The following PRKCH variants were observed in gnomAD, a reference collection of about 807,000 sequenced individuals.
The protein encoded by PRKCH is protein kinase C eta type.
A neutral mutation model predicts 82.5 loss-of-function variants in PRKCH; 28 were observed. The ratio of observed to expected loss-of-function variants is 0.34; its 90% CI spans 0.25 to 0.47. The LOEUF (loss-of-function observed/expected upper bound fraction) is 0.47. Among genes scored for constraint, PRKCH ranks in the 20% least tolerant of loss-of-function variants. PRKCH has a pLI of 1.00. For missense variants in PRKCH, 705 were observed against 881.8 expected, an observed-to-expected ratio of 0.80 and a Z score of 2.54; for synonymous variants, 322 against 327.4, an observed-to-expected ratio of 0.98 and a Z score of 0.18.
At chr14:61,189,965 CTT>C (rs2044397207) in intron 1 of PRKCH, among the ~76,000 whole-genome samples, 1 of 152,064 alleles carries the variant, frequency 6.6e-6, no homozygotes, top group African/African-American at 2.4e-5. Context: ...TTCTCTCTCT[CTT>C]TTTCTTTCTG....
intron 1 of PRKCH, among the ~76,000 whole-genome samples, chr14:61,364,028 A>G (rs902677563): frequency 1.0e-3 from 153 of 146,712 alleles, no homozygotes; most frequent in Non-Finnish European, 1.6e-3. Flanking sequence ...ATATATTTGT[A>G]TATATATAAT....
chr14:61,485,853 C>T (rs571568413), intron 10 of PRKCH, among the ~76,000 whole-genome samples, 197 bp downstream of exon 10: 46 of 152,320 alleles, frequency 3.0e-4, no homozygotes, highest in African/African-American at 1.0e-3. Context: ...GCAATCATGG[C>T]TCACTGCAGC....
chr14:61,492,534 A>G (rs1886491712), intron 10 of PRKCH, among the ~76,000 whole-genome samples: 1 of 152,230 alleles, frequency 6.6e-6, no homozygotes, highest in Non-Finnish European at 1.5e-5. Flanking sequence ...AAATATGGCT[A>G]GAAAATTTTG....
At chr14:61,206,424 A>G (rs534045808) in intron 1 of PRKCH, among the ~76,000 whole-genome samples, 23 of 152,250 alleles carry the variant, frequency 1.5e-4, no homozygotes, top group African/African-American at 5.5e-4. Flanking sequence ...TAGGAAACCA[A>G]TCATTGGATT....
intron 1 of PRKCH, among the ~76,000 whole-genome samples, chr14:61,345,627 G>A (rs2045982347): frequency 6.6e-6 from 1 of 152,186 alleles, no homozygotes; most frequent in Admixed American, 6.5e-5. Flanking sequence ...GATTAATTAG[G>A]TGTCAGGCTA....
chr14:61,338,882 T>C (rs540067803), intron 1 of PRKCH, among the ~76,000 whole-genome samples: 1 of 152,262 alleles, frequency 6.6e-6, no homozygotes, highest in African/African-American at 2.4e-5. Flanking sequence ...AATTTTATTT[T>C]AAAATAGGAA....
chr14:61,396,322 A>G (rs2046782440), intron 2 of PRKCH, among the ~76,000 whole-genome samples: 1 of 152,116 alleles, frequency 6.6e-6, no homozygotes. Flanking sequence ...ACTGCTACTT[A>G]CCTCATTTTT....
chr14:61,335,135 C>T (rs565736393), intron 1 of PRKCH, among the ~76,000 whole-genome samples: 14 of 152,210 alleles, frequency 9.2e-5, no homozygotes, highest in South Asian at 6.2e-4. Flanking sequence ...TGAAAAGAAT[C>T]GTACTGGCTG....
intron 10 of PRKCH, among the ~76,000 whole-genome samples, chr14:61,506,425 T>C (rs1197284090): frequency 6.6e-6 from 1 of 152,110 alleles, no homozygotes; most frequent in Non-Finnish European, 1.5e-5. Flanking sequence ...AGTGATGTCC[T>C]GGCCAGTCCA....
intron 2 of PRKCH, among the ~76,000 whole-genome samples, chr14:61,391,862 A>G (rs1341484870): frequency 3.3e-5 from 5 of 152,174 alleles, no homozygotes; most frequent in African/African-American, 9.7e-5. Flanking sequence ...CAGCACCCCA[A>G]TCCAAGATAC....
At chr14:61,543,785 A>G (rs1284734068) in intron 12 of PRKCH, 6 of 152,236 alleles carry the variant, frequency 3.9e-5, no homozygotes, top group African/African-American at 1.4e-4. Flanking sequence ...CAAAAGGATT[A>G]TGCTGTCACC....
At chr14:61,218,825 CCTAA>C (rs947231133) in intron 1 of PRKCH, among the ~76,000 whole-genome samples, 2 of 152,152 alleles carry the variant, frequency 1.3e-5, no homozygotes, top group Non-Finnish European at 2.9e-5. Flanking sequence ...TCACCCCCCA[CCTAA>C]CTGAGGCTTT....
At chr14:61,200,431 T>A (rs778561100) in intron 1 of PRKCH, among the ~76,000 whole-genome samples, 5 of 151,816 alleles carry the variant, frequency 3.3e-5, no homozygotes, top group Non-Finnish European at 7.4e-5. Context: ...CAGGATATTA[T>A]AAGAATAGAA....
chr14:61,249,500 A>G (rs2044920680), intron 1 of PRKCH, among the ~76,000 whole-genome samples: 1 of 149,156 alleles, frequency 6.7e-6, no homozygotes, highest in Admixed American at 6.8e-5. Context: ...TATGATGTGC[A>G]AATTTGTAAC....
At chr14:61,310,903 A>G (rs901248425) in intron 1 of PRKCH, among the ~76,000 whole-genome samples, 8 of 152,256 alleles carry the variant, frequency 5.3e-5, no homozygotes, top group African/African-American at 1.9e-4. Context: ...CCCAACGCCA[A>G]GTGGAAGCTG....
chr14:61,236,526 G>T (rs1479091188), intron 1 of PRKCH, among the ~76,000 whole-genome samples: 1 of 151,906 alleles, frequency 6.6e-6, no homozygotes, highest in Non-Finnish European at 1.5e-5. Flanking sequence ...TGGCCAAGAT[G>T]GTGAAACCCT....
At chr14:61,464,124 AT>A (rs2140303498) in intron 9 of PRKCH, among the ~76,000 whole-genome samples, 1 of 152,234 alleles carries the variant, frequency 6.6e-6, no homozygotes, top group African/African-American at 2.4e-5. Flanking sequence ...TTCTATTTTA[AT>A]TTTTTGAGGA....
At chr14:61,285,549 C>A (rs1241543422) in intron 1 of PRKCH, among the ~76,000 whole-genome samples, 1 of 152,210 alleles carries the variant, frequency 6.6e-6, no homozygotes, top group Non-Finnish European at 1.5e-5. Context: ...GTCTTCCTTA[C>A]AATGACTCAT....
chr14:61,483,596 G>T (rs568909199), intron 9 of PRKCH, among the ~76,000 whole-genome samples: 3 of 152,266 alleles, frequency 2.0e-5, no homozygotes, highest in East Asian at 1.9e-4. Flanking sequence ...GGCATAGGAG[G>T]TCATAAGCCG....
Sources: gnomAD v4.1 joint callset for allele counts (sites outside exome capture counted in the v4.1 genomes callset) on GRCh38, gnomAD v4.1.1 for gene constraint, MANE v1.5 for transcripts, NCBI Gene and HGNC (gene_info 2026-07-23, HGNC 2026-07-21) for gene names.